The following GALNTL6 variants were observed in gnomAD, a reference collection of about 807,000 sequenced individuals.
GALNTL6 encodes the protein polypeptide N-acetylgalactosaminyltransferase like 6, also known as polypeptide N-acetylgalactosaminyltransferase-like 6.
In GALNTL6, 46 loss-of-function variants were observed where a neutral mutation model predicts 73.7. The ratio of observed to expected loss-of-function variants is 0.62; its 90% confidence interval spans 0.49 to 0.80. The LOEUF (loss-of-function observed/expected upper bound fraction) is 0.80, where lower values mean the gene tolerates loss of function less well. GALNTL6 is among the 30% of genes least tolerant of loss of function. The pLI is 0.00. For missense variants in GALNTL6, 604 were observed against 755.0 expected (o/e 0.80, Z 2.34); for synonymous variants, 259 against 263.7 (o/e 0.98, Z 0.17).
chr4:173,005,885 G>A (rs1752256805), intron 10 of GALNTL6, among the ~76,000 whole-genome samples: 1 of 152,178 alleles, frequency 6.6e-6, no homozygotes, highest in African/African-American at 2.4e-5. Context: ...TGTCTACACA[G>A]ATGCCACTTG....
intron 5 of GALNTL6, among the ~76,000 whole-genome samples, chr4:172,377,323 C>A (rs1221887718): frequency 1.3e-5 from 2 of 152,122 alleles, no homozygotes. Flanking sequence ...TTCTCCAGGT[C>A]CCCACCAGAT....
chr4:172,515,561 C>T (rs1261956759), intron 5 of GALNTL6, among the ~76,000 whole-genome samples: 2 of 152,184 alleles, frequency 1.3e-5, no homozygotes, highest in African/African-American at 4.8e-5. Flanking sequence ...CAGGGAATGC[C>T]CTAAAGATCA....
chr4:172,704,369 C>T (rs180720046), intron 5 of GALNTL6, among the ~76,000 whole-genome samples: 3 of 151,782 alleles, frequency 2.0e-5, no homozygotes, highest in Admixed American at 1.3e-4. Context: ...TTTTCTGTAT[C>T]CCATAGATTT....
chr4:172,363,604 G>T (rs916967520), intron 5 of GALNTL6, among the ~76,000 whole-genome samples: 1 of 152,000 alleles, frequency 6.6e-6, no homozygotes. Flanking sequence ...CAATACCATT[G>T]CAATTTTCAC....
intron 5 of GALNTL6, among the ~76,000 whole-genome samples, chr4:172,352,949 C>A (rs1163481906): frequency 1.3e-5 from 2 of 152,034 alleles, no homozygotes; most frequent in Admixed American, 1.3e-4. Flanking sequence ...TTCAAGAAAT[C>A]CAGCTTACTT....
intron 12 of GALNTL6, among the ~76,000 whole-genome samples, chr4:173,026,416 C>T (rs1753234087): frequency 6.6e-6 from 1 of 152,148 alleles, no homozygotes; most frequent in African/African-American, 2.4e-5. Context: ...TACCTCTGGC[C>T]TGCTGCTCTT....
rs577055459 is a variant in GALNTL6, at chr4:171,969,039, G to T, written c.138+154321G>T. 2.0e-5 allele frequency among the ~76,000 whole-genome samples: 3 copies of T among 152,186 alleles called. No homozygotes were observed. The East Asian group carries it at 5.8e-4, about 29-fold the overall frequency. On this transcript the variant is annotated intron_variant, in intron 2 of 12. Coordinates refer to ENST00000506823, the MANE Select transcript of GALNTL6 (RefSeq NM_001034845.3). ...TTTAGTAGTGGTGGGGTTTCACCAT[G>T]TTGGTCAGGCTGGTCTCGAACTCCT... is the stretch of plus-strand genomic sequence containing the variant.
At chr4:172,317,724 T>A (rs1740612310) in intron 4 of GALNTL6, among the ~76,000 whole-genome samples, 1 of 152,336 alleles carries the variant, frequency 6.6e-6, no homozygotes, top group South Asian at 2.1e-4. Context: ...TTGGCAAACA[T>A]ATTTGAGTTT....
At chr4:172,011,286 G>A (rs1170756640) in intron 2 of GALNTL6, among the ~76,000 whole-genome samples, 1 of 152,076 alleles carries the variant, frequency 6.6e-6, no homozygotes, top group East Asian at 1.9e-4. Context: ...GAAATTTGCG[G>A]AGGAAGAAAG....
intron 2 of GALNTL6, among the ~76,000 whole-genome samples, chr4:172,101,275 TC>T (rs1384736101): frequency 6.6e-6 from 1 of 152,208 alleles, no homozygotes; most frequent in South Asian, 2.1e-4. Flanking sequence ...TTGACCACTT[TC>T]TATGCTCTTT....
At chr4:172,299,773 G>A (rs1258319060) in intron 3 of GALNTL6, among the ~76,000 whole-genome samples, 2 of 152,202 alleles carry the variant, frequency 1.3e-5, no homozygotes, top group African/African-American at 4.8e-5. Flanking sequence ...TTGCTGAGGA[G>A]TGCTTTACTT....
intron 2 of GALNTL6, among the ~76,000 whole-genome samples, chr4:171,851,567 G>A (rs1042515428): frequency 6.6e-6 from 1 of 152,162 alleles, no homozygotes; most frequent in African/African-American, 2.4e-5. Flanking sequence ...AGGTTACTGT[G>A]AGTGAGCTGA....
chr4:172,404,314 C>T (rs966302174), intron 5 of GALNTL6, among the ~76,000 whole-genome samples: 8 of 152,034 alleles, frequency 5.3e-5, no homozygotes, highest in African/African-American at 1.9e-4. Flanking sequence ...AGAGTCAAAA[C>T]CCAATGAGAA....
At chr4:172,815,254 T>C (rs536001362) in intron 7 of GALNTL6, among the ~76,000 whole-genome samples, 1 of 152,312 alleles carries the variant, frequency 6.6e-6, no homozygotes, top group South Asian at 2.1e-4. Context: ...CATAAATATA[T>C]ACAACTTTTA....
At chr4:171,911,711 A>G (rs79154272) in intron 2 of GALNTL6, among the ~76,000 whole-genome samples, 3,327 of 152,290 alleles carry the variant, frequency 0.022, 95 homozygotes, top group African/African-American at 0.071. Context: ...ATATTATCAA[A>G]GTCTATGCAA....
At chr4:172,015,373 GC>G (rs1741154909) in intron 2 of GALNTL6, among the ~76,000 whole-genome samples, 1 of 151,952 alleles carries the variant, frequency 6.6e-6, no homozygotes, top group Non-Finnish European at 1.5e-5. Flanking sequence ...ACTCGTGCTT[GC>G]TTTTGGTTTC....
At chr4:172,842,517 T>G (rs2111086145) in intron 7 of GALNTL6, among the ~76,000 whole-genome samples, 1 of 152,326 alleles carries the variant, frequency 6.6e-6, no homozygotes, top group Middle Eastern at 3.4e-3. Context: ...TGTTTGATTA[T>G]ATATTTTATG....
chr4:172,406,996 C>T (rs897012968), intron 5 of GALNTL6, among the ~76,000 whole-genome samples: 2 of 151,852 alleles, frequency 1.3e-5, no homozygotes, highest in African/African-American at 2.4e-5. Context: ...ATCATTATCT[C>T]TTTTTTAAAA....
At chr4:173,018,620 G>A (rs1013333240) in intron 11 of GALNTL6, among the ~76,000 whole-genome samples, 11 of 152,188 alleles carry the variant, frequency 7.2e-5, no homozygotes, top group African/African-American at 2.7e-4. Context: ...CTGGATGAGT[G>A]GACACTTGAA....
Sources: gnomAD v4.1 joint callset for allele counts (sites outside exome capture counted in the v4.1 genomes callset) on GRCh38, gnomAD v4.1.1 for gene constraint, MANE v1.5 for transcripts, NCBI Gene and HGNC (gene_info 2026-07-23, HGNC 2026-07-21) for gene names.